The following UHRF2 variants were observed in gnomAD, a reference collection of about 807,000 sequenced individuals.
UHRF2 encodes the protein ubiquitin like with PHD and ring finger domains 2, also known as E3 ubiquitin-protein ligase UHRF2.
A neutral mutation model predicts 96.8 loss-of-function variants in UHRF2; 23 were observed. That is an observed-to-expected ratio of 0.24 (90% confidence interval 0.17 to 0.34). The LOEUF (loss-of-function observed/expected upper bound fraction) is 0.34. Among genes scored for constraint, UHRF2 ranks in the 10% least tolerant of loss-of-function variants. UHRF2 has a pLI of 1.00. For missense variants in UHRF2, 685 were observed against 981.5 expected (o/e 0.70, Z 4.04); for synonymous variants, 385 against 332.6 (o/e 1.16, Z -1.72).
intron 2 of UHRF2, among the ~76,000 whole-genome samples, chr9:6,425,704 G>T (rs532425412): frequency 6.6e-6 from 1 of 152,062 alleles, no homozygotes; most frequent in Non-Finnish European, 1.5e-5. Context: ...CAGAGGTTAC[G>T]GGGAGCCGAG....
chr9:6,463,753 G>A (rs774064210), intron 4 of UHRF2, among the ~76,000 whole-genome samples: 18 of 152,042 alleles, frequency 1.2e-4, no homozygotes, highest in Non-Finnish European at 1.8e-4. Context: ...TTATAGGTAT[G>A]AGCCACCGTG....
rs1346028560 is a variant in UHRF2, at chr9:6,485,815, A to AC, written c.1393-1006_1393-1005insC. On this transcript the variant is annotated intron_variant, in intron 8 of 15. Transcript: ENST00000276893. ...CCCTGTCTCTACCCAAAAAAAAAAAAAAAAAAAAAAAAACAAAACCCAAAA... is the reference window on the plus strand; with the variant it reads ...CCCTGTCTCTACCCAAAAAAAAAAAACAAAAAAAAAAAAACAAAACCCAAAA... 2.8e-3 allele frequency among the ~76,000 whole-genome samples: 396 copies of AC among 141,222 alleles called. 3 individuals are homozygous for AC. Among genetic ancestry groups the AC allele is most frequent in the African/African-American group, 0.01 (336 of 32,204 alleles). 92.6% of individuals were successfully genotyped at this position (141,222 alleles called of 152,430 possible). A position where few individuals can be genotyped will look rare whatever the true frequency, so the allele number is the denominator to read the frequency against.
intron 1 of UHRF2, among the ~76,000 whole-genome samples, chr9:6,414,707 A>G (rs748684618): frequency 7.2e-5 from 11 of 152,208 alleles, no homozygotes; most frequent in Non-Finnish European, 1.2e-4. Context: ...CTACAGTTGC[A>G]AACTACTTAA....
At chr9:6,500,751 CAA>C in intron 14 of UHRF2, 42 bp downstream of exon 14, 1 of 1,528,584 alleles carries the variant, frequency 6.5e-7, no homozygotes, top group Non-Finnish European at 8.9e-7. Context: ...CTGATATTAA[CAA>C]ATGATAAATA....
intron 3 of UHRF2, among the ~76,000 whole-genome samples, chr9:6,460,057 G>T (rs184286762): frequency 3.3e-5 from 5 of 152,262 alleles, no homozygotes; most frequent in Admixed American, 2.6e-4. Flanking sequence ...TACTTTCCCA[G>T]CTAGCAATGA....
chr9:6,458,633 A>C (rs959928163), intron 3 of UHRF2, among the ~76,000 whole-genome samples: 1 of 152,122 alleles, frequency 6.6e-6, no homozygotes, highest in Non-Finnish European at 1.5e-5. Context: ...GGGAGTGTAA[A>C]TTAGTTCAAC....
intron 4 of UHRF2, among the ~76,000 whole-genome samples, chr9:6,474,003 G>T (rs543443555): frequency 2.0e-5 from 3 of 152,220 alleles, no homozygotes; most frequent in African/African-American, 7.2e-5. Context: ...TGAATTTATA[G>T]ATTAGAGACT....
intron 2 of UHRF2, among the ~76,000 whole-genome samples, chr9:6,432,308 A>G (rs1461603306): frequency 1.3e-5 from 2 of 152,180 alleles, no homozygotes; most frequent in Non-Finnish European, 2.9e-5. Context: ...TGGTAGTGAC[A>G]GTTGATAGTT....
chr9:6,486,954 G>C (rs753963942), intron 9 of UHRF2, 29 bp downstream of exon 9: 1 of 1,602,602 alleles, frequency 6.2e-7, no homozygotes, highest in South Asian at 1.1e-5. Context: ...TTACTCATTA[G>C]TACCTGCCTT....
intron 6 of UHRF2, among the ~76,000 whole-genome samples, chr9:6,478,472 T>C (rs945955828): frequency 6.6e-6 from 1 of 152,236 alleles, no homozygotes; most frequent in Admixed American, 6.5e-5. Context: ...TTTAATCCTG[T>C]GACGTTGATA....
intron 5 of UHRF2, 22 bp downstream of exon 5, chr9:6,475,522 C>A: frequency 2.7e-6 from 4 of 1,467,738 alleles, no homozygotes; most frequent in Non-Finnish European, 3.7e-6. Context: ...TGTTTTTGGT[C>A]TTAGACTACA....
chr9:6,421,395 G>C (rs1339215817), intron 2 of UHRF2, among the ~76,000 whole-genome samples: 1 of 152,056 alleles, frequency 6.6e-6, no homozygotes, highest in Non-Finnish European at 1.5e-5. Context: ...GAAGTAGATT[G>C]ATTTAAAATA....
At chr9:6,500,331 AT>A (rs1816221257) in intron 13 of UHRF2, among the ~76,000 whole-genome samples, 1 of 152,212 alleles carries the variant, frequency 6.6e-6, no homozygotes, top group Admixed American at 6.5e-5. Flanking sequence ...AAAGCAAAGG[AT>A]TTGGCTGGGG....
In UHRF2 at chr9:6,501,828, T is replaced by A. The variant is rs576267328; in HGVS notation, c.2163+1119T>A. ...AAGCAGTTGTTAATCAGCCTAATTA[T>A]TCTCTGATTGGGAAAGATAGGGCTT... On this transcript the variant is annotated intron_variant, in intron 14 of 15. Coordinates refer to ENST00000276893, the MANE Select transcript of UHRF2 (RefSeq NM_152896.3). Among the ~76,000 whole-genome samples, 13 of 152,338 alleles carry A rather than the reference T, an allele frequency of 8.5e-5. No homozygotes were observed. In the East Asian group the frequency reaches 2.3e-3, roughly 27 times the overall value.
intron 4 of UHRF2, among the ~76,000 whole-genome samples, chr9:6,465,959 T>C (rs1355173529): frequency 6.6e-6 from 1 of 152,272 alleles, no homozygotes; most frequent in Non-Finnish European, 1.5e-5. Flanking sequence ...AAAACAAGTT[T>C]GGGATTCAAA....
At chr9:6,487,402 T>C (rs1189737117) in intron 9 of UHRF2, among the ~76,000 whole-genome samples, 3 of 152,046 alleles carry the variant, frequency 2.0e-5, no homozygotes, top group African/African-American at 7.2e-5. Flanking sequence ...GTTTTACTCT[T>C]GTCACCTAGA....
At position 6,431,679 on chromosome 9, in the gene UHRF2, A is replaced by G. The variant is rs556741330; in HGVS notation, c.385-2235A>G. 2.8e-4 allele frequency among the ~76,000 whole-genome samples: 43 copies of G among 152,308 alleles called. No individual in the cohort carries two copies. In the South Asian group the frequency reaches 8.7e-3, roughly 31 times the overall value. On this transcript the variant is annotated intron_variant, in intron 2 of 15. Transcript: ENST00000276893. Reference sequence around the variant, plus strand: ...TGATATGTTCTATGTGTTGATGTTCAAGCAATGGCAGTATTTTGAGGTTGA... The same window carrying G: ...TGATATGTTCTATGTGTTGATGTTCGAGCAATGGCAGTATTTTGAGGTTGA...
intron 3 of UHRF2, among the ~76,000 whole-genome samples, chr9:6,441,962 A>G (rs1821189893): frequency 6.6e-6 from 1 of 152,118 alleles, no homozygotes; most frequent in South Asian, 2.1e-4. Flanking sequence ...AATACTATGT[A>G]ATAGTTGACT....
intron 4 of UHRF2, among the ~76,000 whole-genome samples, chr9:6,472,352 G>C (rs1053743543): frequency 2.6e-5 from 4 of 152,182 alleles, no homozygotes; most frequent in Non-Finnish European, 4.4e-5. Flanking sequence ...AGAAGAGAGT[G>C]AGAAAATAAG....
Sources: gnomAD v4.1 joint callset for allele counts (sites outside exome capture counted in the v4.1 genomes callset) on GRCh38, gnomAD v4.1.1 for gene constraint, MANE v1.5 for transcripts, NCBI Gene and HGNC (gene_info 2026-07-23, HGNC 2026-07-21) for gene names.